The following GRID1 variants were observed in gnomAD, a reference collection of about 807,000 sequenced individuals.
GRID1 encodes glutamate receptor ionotropic, delta-1.
A neutral mutation model predicts 98.0 loss-of-function variants in GRID1; 28 were observed. The ratio of observed to expected loss-of-function variants is 0.29; its 90% CI spans 0.21 to 0.39. The LOEUF (loss-of-function observed/expected upper bound fraction) is 0.39, where lower values mean the gene tolerates loss of function less well. Ranked by LOEUF, GRID1 falls within the 10% of genes least tolerant of loss-of-function variation. The probability of loss-of-function intolerance (pLI) is 1.00; values close to 1 mark genes in which losing one functional copy is unlikely to be tolerated. For synonymous variants in GRID1, 553 were observed against 538.5 expected (o/e 1.03, Z -0.37); for missense variants, 1,111 against 1,340.5 (o/e 0.83, Z 2.67).
At chr10:85,906,372 C>T (rs1231664214) in intron 5 of GRID1, among the ~76,000 whole-genome samples, 1 of 152,116 alleles carries the variant, frequency 6.6e-6, no homozygotes, top group East Asian at 1.9e-4. Flanking sequence ...ATAAAGGATA[C>T]AGAAGGCGCA....
At chr10:85,670,712 G>T (rs77286209) in intron 12 of GRID1, among the ~76,000 whole-genome samples, 237 of 152,208 alleles carry the variant, frequency 1.6e-3, no homozygotes, top group Middle Eastern at 3.4e-3. Flanking sequence ...CCTCCATCTT[G>T]CTGGGTGGGT....
chr10:85,627,413 T>C (rs185279983), intron 13 of GRID1, among the ~76,000 whole-genome samples: 1 of 152,324 alleles, frequency 6.6e-6, no homozygotes, highest in Admixed American at 6.5e-5. Context: ...TCTTATATTG[T>C]TTAGTGGAAA....
chr10:86,040,629 G>A (rs555554498), intron 4 of GRID1, among the ~76,000 whole-genome samples: 1 of 151,854 alleles, frequency 6.6e-6, no homozygotes, highest in East Asian at 1.9e-4. Flanking sequence ...TGAGTACATT[G>A]TTAACGTTTG....
At chr10:86,268,365 GCTGCTTGTCAGC>G (rs1847136231) in intron 2 of GRID1, among the ~76,000 whole-genome samples, 1 of 152,226 alleles carries the variant, frequency 6.6e-6, no homozygotes, top group African/African-American at 2.4e-5. Context: ...TTGGATACTG[GCTGCTTGTCAGC>G]CTGTTTCCTG....
At chr10:85,809,738 G>T (rs1304456693) in intron 8 of GRID1, among the ~76,000 whole-genome samples, 2 of 152,180 alleles carry the variant, frequency 1.3e-5, no homozygotes, top group Non-Finnish European at 2.9e-5. Context: ...AGACTCAAGA[G>T]GGTAGCAGAG....
chr10:85,836,637 T>C (rs1842913832), intron 8 of GRID1, among the ~76,000 whole-genome samples: 1 of 152,188 alleles, frequency 6.6e-6, no homozygotes, highest in Non-Finnish European at 1.5e-5. Context: ...GGCTTTGGTA[T>C]AGGTGCAGCT....
intron 8 of GRID1, among the ~76,000 whole-genome samples, chr10:85,829,181 T>C (rs1382750977): frequency 6.6e-6 from 1 of 151,860 alleles, no homozygotes; most frequent in African/African-American, 2.4e-5. Context: ...ATTCGTCACA[T>C]AAACAGAACT....
intron 8 of GRID1, among the ~76,000 whole-genome samples, chr10:85,765,016 A>G (rs1842184230): frequency 6.6e-6 from 1 of 152,166 alleles, no homozygotes; most frequent in Non-Finnish European, 1.5e-5. Flanking sequence ...TATACCTGAT[A>G]TTTATTTAGA....
At chr10:85,726,400 G>C (rs940555524) in intron 10 of GRID1, among the ~76,000 whole-genome samples, 2 of 152,158 alleles carry the variant, frequency 1.3e-5, no homozygotes, top group Non-Finnish European at 2.9e-5. Context: ...AGACCACACA[G>C]GGTTTCTAAA....
chr10:86,126,316 G>A (rs564572630), intron 4 of GRID1, among the ~76,000 whole-genome samples: 68 of 152,288 alleles, frequency 4.5e-4, no homozygotes, highest in African/African-American at 1.5e-3. Flanking sequence ...TTAGCCAGGC[G>A]TGGTGGCACG....
At chr10:85,882,732 G>A (rs901325259) in intron 5 of GRID1, among the ~76,000 whole-genome samples, 1 of 151,940 alleles carries the variant, frequency 6.6e-6, no homozygotes, top group Admixed American at 6.6e-5. Flanking sequence ...TGTAACAAAC[G>A]TGCACATTGT....
chr10:85,981,514 G>A (rs533322266), intron 4 of GRID1, among the ~76,000 whole-genome samples: 8 of 152,222 alleles, frequency 5.3e-5, no homozygotes, highest in South Asian at 2.1e-4. Context: ...ACTTAATGTC[G>A]GCCTCCTTCA....
chr10:85,879,429 C>T (rs1380273046), intron 5 of GRID1, among the ~76,000 whole-genome samples: 1 of 152,204 alleles, frequency 6.6e-6, no homozygotes, highest in African/African-American at 2.4e-5. Context: ...GTCTCTCAGA[C>T]CACAGTGTAA....
At chr10:86,055,965 C>A (rs1028132239) in intron 4 of GRID1, among the ~76,000 whole-genome samples, 1 of 152,204 alleles carries the variant, frequency 6.6e-6, no homozygotes, top group African/African-American at 2.4e-5. Context: ...AAACAAATTT[C>A]TGTTGTTTAA....
chr10:86,312,857 CCACT>C, intron 2 of GRID1, among the ~76,000 whole-genome samples: 1 of 152,278 alleles, frequency 6.6e-6, no homozygotes, highest in East Asian at 1.9e-4. Flanking sequence ...GGTGGCCCAC[CCACT>C]GAGGGAGGAG....
At chr10:86,038,288 C>G (rs1056559950) in intron 4 of GRID1, among the ~76,000 whole-genome samples, 1 of 152,170 alleles carries the variant, frequency 6.6e-6, no homozygotes, top group African/African-American at 2.4e-5. Context: ...AAGTGATACA[C>G]CATTGGAAGA....
chr10:86,145,781 A>G (rs1845081520), intron 3 of GRID1, among the ~76,000 whole-genome samples: 1 of 152,176 alleles, frequency 6.6e-6, no homozygotes, highest in African/African-American at 2.4e-5. Flanking sequence ...TGTGTTCTTT[A>G]TCAAACCCCA....
chr10:86,299,430 C>A (rs1201984873), intron 2 of GRID1, among the ~76,000 whole-genome samples: 1 of 151,344 alleles, frequency 6.6e-6, no homozygotes, highest in Non-Finnish European at 1.5e-5. Context: ...GTGTGCTGCA[C>A]CCATTAACTC....
intron 8 of GRID1, among the ~76,000 whole-genome samples, chr10:85,782,971 G>A (rs1294010788): frequency 2.6e-5 from 4 of 152,116 alleles, no homozygotes; most frequent in African/African-American, 4.8e-5. Context: ...CAGCCAGAAC[G>A]GCACTAGAAA....
Sources: allele counts gnomAD v4.1 joint callset (sites outside exome capture counted in the v4.1 genomes callset), GRCh38; gene constraint gnomAD v4.1.1; transcripts MANE v1.5; gene names NCBI Gene and HGNC (gene_info 2026-07-23, HGNC 2026-07-21).